HMGA2: variants seen among roughly 807,000 people sequenced by gnomAD.
HMGA2 encodes the protein high mobility group protein HMGI-C.
A neutral mutation model predicts 19.1 loss-of-function variants in HMGA2; 8 were observed. The ratio of observed to expected loss-of-function variants is 0.42; its 90% CI spans 0.25 to 0.76. HMGA2 has a LOEUF of 0.76. Ranked by LOEUF, HMGA2 falls within the 30% of genes least tolerant of loss-of-function variation. HMGA2 has a pLI of 0.28. For missense variants in HMGA2, 109 were observed against 136.3 expected (o/e 0.80, Z 1.00); for synonymous variants, 60 against 48.8 (o/e 1.23, Z -0.96).
chr12:65,899,695 T>C (rs924722403), intron 3 of HMGA2, among the ~76,000 whole-genome samples: 1 of 152,254 alleles, frequency 6.6e-6, no homozygotes, highest in Non-Finnish European at 1.5e-5. Flanking sequence ...CTTCAGGATC[T>C]TATATTCTGA....
chr12:65,940,680 T>C (rs1331262852), intron 3 of HMGA2, among the ~76,000 whole-genome samples: 1 of 152,122 alleles, frequency 6.6e-6, no homozygotes, highest in Non-Finnish European at 1.5e-5. Flanking sequence ...TGGGGCAGTG[T>C]AGAATAGTGA....
chr12:65,854,705 A>G (rs1429166346), intron 3 of HMGA2, among the ~76,000 whole-genome samples: 1 of 152,210 alleles, frequency 6.6e-6, no homozygotes, highest in Admixed American at 6.5e-5. Context: ...TGCATTAGCT[A>G]TTCTTCCTGA....
intron 2 of HMGA2, 135 bp from the exon 3 acceptor site, chr12:65,838,384 T>TA (rs1359981411): frequency 4.3e-4 from 283 of 662,006 alleles, no homozygotes; most frequent in African/African-American, 4.1e-3. Flanking sequence ...CGAAGTTTGT[T>TA]AAAAAAAACA....
chr12:65,848,658 C>T (rs1871327470), intron 3 of HMGA2, among the ~76,000 whole-genome samples: 1 of 152,066 alleles, frequency 6.6e-6, no homozygotes, highest in African/African-American at 2.4e-5. Flanking sequence ...AGATCGAGAC[C>T]ATCCTGGCTA....
chr12:65,876,791 CA>C (rs1822489290), intron 3 of HMGA2: 1 of 152,228 alleles, frequency 6.6e-6, no homozygotes, highest in Non-Finnish European at 1.5e-5. Flanking sequence ...CATAGCAACA[CA>C]TGTCCCTAAA....
intron 3 of HMGA2, among the ~76,000 whole-genome samples, chr12:65,884,784 G>A (rs546558748): frequency 3.9e-5 from 6 of 152,118 alleles, no homozygotes; most frequent in Non-Finnish European, 5.9e-5. Flanking sequence ...GAACTTGGAC[G>A]CGTTTCTTAA....
At chr12:65,939,542 G>A (rs1268719764) in intron 3 of HMGA2, among the ~76,000 whole-genome samples, 1 of 152,124 alleles carries the variant, frequency 6.6e-6, no homozygotes, top group Non-Finnish European at 1.5e-5. Flanking sequence ...TTTTAGTAGA[G>A]ATGGGGTTTC....
chr12:65,862,372 C>T (rs914404261), intron 3 of HMGA2, among the ~76,000 whole-genome samples: 4 of 151,946 alleles, frequency 2.6e-5, no homozygotes, highest in African/African-American at 9.7e-5. Context: ...ATCAGTACCA[C>T]CACCACTACT....
intron 3 of HMGA2, chr12:65,867,531 G>A (rs1691439471): frequency 2.2e-6 from 1 of 454,290 alleles, no homozygotes; most frequent in African/African-American, 2.0e-5. Context: ...GGAATGAGAA[G>A]ACCAAAACCG....
intron 3 of HMGA2, among the ~76,000 whole-genome samples, chr12:65,846,625 C>T (rs1187062698): frequency 6.6e-6 from 1 of 152,180 alleles, no homozygotes; most frequent in Non-Finnish European, 1.5e-5. Context: ...TACTGAAACA[C>T]TTTTTTTGTT....
At chr12:65,862,455 T>C (rs1365530068) in intron 3 of HMGA2, among the ~76,000 whole-genome samples, 1 of 152,320 alleles carries the variant, frequency 6.6e-6, no homozygotes, top group African/African-American at 2.4e-5. Flanking sequence ...TTCTACATTT[T>C]TATATTACAC....
intron 3 of HMGA2, among the ~76,000 whole-genome samples, chr12:65,896,963 C>T (rs1257774518): frequency 6.6e-6 from 1 of 152,194 alleles, no homozygotes; most frequent in Non-Finnish European, 1.5e-5. Context: ...AATGGGGTAA[C>T]TCGTCACTGT....
intron 3 of HMGA2, among the ~76,000 whole-genome samples, chr12:65,906,727 C>T (rs941714122): frequency 5.3e-5 from 8 of 152,010 alleles, no homozygotes; most frequent in Non-Finnish European, 1.5e-5. Context: ...AGAAGAAGAT[C>T]ATAAAGAAAA....
At position 65,828,068 on chromosome 12, in the gene HMGA2, C is replaced by T; in HGVS notation, c.179C>T (p.Pro60Leu). ...CCCAAAGGCAGCAAAAACAAGAGTC[C>T]CTCTAAAGCAGCTCAAAAGGTGAGA... ...GRPKGSKNKS[P>L]SKAAQKKAEA... The change falls in exon 2 of 5, where the codon CCC becomes CTC. Residue 60 changes from proline (P) to leucine (L), a missense_variant. Transcript: ENST00000403681. 2 of 1,613,334 alleles carry T rather than the reference C, an allele frequency of 1.2e-6. No individual in the cohort carries two copies. Among genetic ancestry groups the T allele is most frequent in the Non-Finnish European group, 1.7e-6 (2 of 1,179,384 alleles).
At chr12:65,943,110 T>A (rs1876145498) in intron 3 of HMGA2, among the ~76,000 whole-genome samples, 1 of 152,190 alleles carries the variant, frequency 6.6e-6, no homozygotes, top group Non-Finnish European at 1.5e-5. Context: ...TACTCTAATA[T>A]CTGTTTTTCA....
At chr12:65,859,918 T>TAAAAA in intron 3 of HMGA2, 2 of 219,272 alleles carry the variant, frequency 9.1e-6, no homozygotes, top group Non-Finnish European at 1.9e-5. Context: ...GCCCCATCTC[T>TAAAAA]AAAAAAAAAA....
intron 3 of HMGA2, among the ~76,000 whole-genome samples, chr12:65,854,775 C>T (rs1175688446): frequency 6.6e-6 from 1 of 152,212 alleles, no homozygotes; most frequent in East Asian, 1.9e-4. Flanking sequence ...GAGTTTGTGG[C>T]ACATCCCATG....
intron 3 of HMGA2, chr12:65,914,698 G>C (rs1218820538): frequency 3.4e-6 from 1 of 293,302 alleles, no homozygotes; most frequent in African/African-American, 2.1e-5. Flanking sequence ...TTTTGAGACG[G>C]AGTCTTGTTT....
At position 65,838,998 on chromosome 12, in the gene HMGA2, C is replaced by CTTTTTTTTTTTTTTTTTT; in HGVS notation, c.249+441_249+442insTTTTTTTTTTTTTTTTTT. 8.4e-5 allele frequency among the ~76,000 whole-genome samples: 9 copies of CTTTTTTTTTTTTTTTTTT among 107,206 alleles called. 1 individual carries two copies. The highest frequency in any genetic ancestry group is 3.2e-4 in the African/African-American group (6 of 18,782). The allele number at this position is 107,206 out of a possible 152,430, so 70.3% of individuals were successfully genotyped here. On this transcript the variant is annotated intron_variant, in intron 3 of 4. Transcript: ENST00000403681. ...TTTCTTTTTCTTTCTTTTTCTTTTT[C>CTTTTTTTTTTTTTTTTTT]TTTTTTTTTTTTGGTTTTCTCCATG...
Sources: allele counts gnomAD v4.1 joint callset (sites outside exome capture counted in the v4.1 genomes callset), GRCh38; gene constraint gnomAD v4.1.1; transcripts MANE v1.5; gene names NCBI Gene and HGNC (gene_info 2026-07-23, HGNC 2026-07-21).